Variants in FYTTD1 observed in about 807,000 individuals in gnomAD.
The protein encoded by FYTTD1 is UAP56-interacting factor.
Under a neutral mutation model 40.9 loss-of-function variants are expected in FYTTD1, and 22 were observed. The observed-to-expected ratio is 0.54, with a 90% CI of 0.38 to 0.77. The LOEUF is 0.77. FYTTD1 is among the 30% of genes least tolerant of loss of function. The pLI is 0.00. For synonymous variants in FYTTD1, 140 were observed against 137.9 expected (o/e 1.01, Z -0.10); for missense variants, 351 against 392.2 (o/e 0.90, Z 0.89).
upstream of FYTTD1, chr3:197,749,868 C>G (rs1329637656): frequency 4.4e-6 from 3 of 687,028 alleles, no homozygotes; most frequent in Non-Finnish European, 6.6e-6. Flanking sequence ...GGCGCCGGCG[C>G]GTGCGCGCTC....
In FYTTD1 at chr3:197,783,280, A is replaced by G. The variant is rs958621195; in HGVS notation, c.*1371A>G. Reference sequence around the variant, plus strand: ...AAGCTTGACATTTTAGTTTGCCATTATGTTAAAAACATCTAAATAGGTGTT... The same window carrying G: ...AAGCTTGACATTTTAGTTTGCCATTGTGTTAAAAACATCTAAATAGGTGTT... On this transcript the variant is annotated 3_prime_UTR_variant, in exon 9 of 9. Coordinates refer to ENST00000241502, the MANE Select transcript of FYTTD1 (RefSeq NM_032288.7). 1 of 152,612 alleles carries G rather than the reference A, an allele frequency of 6.6e-6. No individual in the cohort carries two copies. The highest frequency in any genetic ancestry group is 1.5e-5 in the Non-Finnish European group (1 of 68,038). 9.5% of individuals were successfully genotyped at this position (152,612 alleles called of 1,614,324 possible). A position where few individuals can be genotyped will look rare whatever the true frequency, so the allele number is the denominator to read the frequency against.
At chr3:197,777,549 A>G (rs1729910949) in intron 7 of FYTTD1, among the ~76,000 whole-genome samples, 1 of 151,936 alleles carries the variant, frequency 6.6e-6, no homozygotes, top group Non-Finnish European at 1.5e-5. Context: ...CAATATATAT[A>G]TTTTTGTGTA....
At chr3:197,778,250 C>T in intron 7 of FYTTD1, 88 bp from the exon 8 acceptor site, 1 of 994,868 alleles carries the variant, frequency 1.0e-6, no homozygotes, top group South Asian at 2.3e-5. Flanking sequence ...TACATTTGAA[C>T]ATGTGTACAA....
intron 2 of FYTTD1, among the ~76,000 whole-genome samples, chr3:197,757,299 A>G (rs1729240662): frequency 6.6e-6 from 1 of 152,376 alleles, no homozygotes; most frequent in South Asian, 2.1e-4. Flanking sequence ...TTTATCAGCA[A>G]TATCAGAATT....
chr3:197,749,837 C>T (rs1342360759), upstream of FYTTD1: 3 of 523,144 alleles, frequency 5.7e-6, no homozygotes, highest in Non-Finnish European at 6.3e-6. Flanking sequence ...CCGCCCGCAG[C>T]CGCGGGTGGA....
In FYTTD1 at chr3:197,778,206, T is replaced by G; in HGVS notation, c.732-132T>G. ...TTTAGTCTAGAGTAGCCAGTGAAACTTTTTTTTTGAGAACACAAATAAAAT... is the reference window on the plus strand; with the variant it reads ...TTTAGTCTAGAGTAGCCAGTGAAACGTTTTTTTTGAGAACACAAATAAAAT... On this transcript the variant is annotated intron_variant, in intron 7 of 8. Coordinates refer to ENST00000241502, the MANE Select transcript of FYTTD1 (RefSeq NM_032288.7). 5 of 544,966 alleles carry G rather than the reference T, an allele frequency of 9.2e-6. No individual in the cohort carries two copies. The South Asian group carries it at 2.5e-4, about 27-fold the overall frequency. 33.8% of individuals were successfully genotyped at this position (544,966 alleles called of 1,614,324 possible). A position where few individuals can be genotyped will look rare whatever the true frequency, so the allele number is the denominator to read the frequency against.
intron 1 of FYTTD1, chr3:197,755,762 A>C (rs148567326): frequency 6.5e-7 from 1 of 1,544,196 alleles, no homozygotes; most frequent in South Asian, 1.2e-5. Flanking sequence ...TGCTGGGATT[A>C]TAGGTGTGAG....
In FYTTD1 at chr3:197,781,878, A is replaced by G; in HGVS notation, c.926A>G (p.Lys309Arg). The G allele has an allele frequency of 1.2e-6, 2 of 1,608,852 alleles. No individual in the cohort carries two copies. Among genetic ancestry groups the G allele is most frequent in the South Asian group, 1.1e-5 (1 of 90,140 alleles). The change falls in exon 9 of 9, where the codon AAA (lysine) becomes AGA (arginine). Residue 309 changes from lysine (K) to arginine (R), a missense_variant. Transcript: ENST00000241502. ...CAAAGAGCCACTCTCACATACAACAAAGGGGGAAGCCGCTTTGTCACCGTG... is the reference window on the plus strand; with the variant it reads ...CAAAGAGCCACTCTCACATACAACAGAGGGGGAAGCCGCTTTGTCACCGTG... Reference protein sequence around the residue: ...KEQRATLTYNKGGSRFVTVG With the variant: ...KEQRATLTYNRGGSRFVTVG
At chr3:197,767,084 T>C (rs1434284666) in intron 2 of FYTTD1, among the ~76,000 whole-genome samples, 2 of 152,134 alleles carry the variant, frequency 1.3e-5, no homozygotes, top group African/African-American at 2.4e-5. Context: ...CCCTTTTTTT[T>C]TTTAACGGGC....
Position 197,756,462 on chromosome 3 carries a change from A to C in FYTTD1, c.140A>C (p.Lys47Thr). The change falls in exon 2 of 9, where the codon AAG (lysine) becomes ACG (threonine). Residue 47 changes from lysine to threonine, a missense_variant. Coordinates refer to ENST00000241502, the MANE Select transcript of FYTTD1 (RefSeq NM_032288.7). Reference protein sequence around the residue: ...IIKLNRKEGKKQNFPRLNRRL... With the variant: ...IIKLNRKEGKTQNFPRLNRRL... ...AAGTTGAATCGAAAGGAAGGGAAGAAGCAGAATTTTCCAAGACTAAATAGA... is the reference window on the plus strand; with the variant it reads ...AAGTTGAATCGAAAGGAAGGGAAGACGCAGAATTTTCCAAGACTAAATAGA... 1 of 1,608,950 alleles carries C rather than the reference A, an allele frequency of 6.2e-7. No individual in the cohort carries two copies. Among genetic ancestry groups the C allele is most frequent in the Non-Finnish European group, 8.5e-7 (1 of 1,175,294 alleles).
At chr3:197,766,408 G>A (rs1217727814) in intron 2 of FYTTD1, among the ~76,000 whole-genome samples, 1 of 125,750 alleles carries the variant, frequency 8.0e-6, no homozygotes, top group African/African-American at 2.7e-5. Context: ...TTGCAATATA[G>A]GTGTGTGTCG....
At position 197,750,028 on chromosome 3, in the gene FYTTD1, G is replaced by A. The variant is rs373199162; in HGVS notation, c.57G>A (p.Pro19=). The A allele has an allele frequency of 1.6e-5, 25 of 1,583,048 alleles. No individual in the cohort carries two copies. Among genetic ancestry groups the A allele is most frequent in the East Asian group, 1.2e-4 (5 of 40,748 alleles). Residue 19 remains proline (P), a synonymous_variant, in exon 1 of 9, where the codon CCG becomes CCA. Transcript: ENST00000241502. Reference sequence around the variant, plus strand: ...CCACGGCGACTTCTTCGCCGCCGCCGAAGGCCCGCAGCAATGAAAACCTCG... The same window carrying A: ...CCACGGCGACTTCTTCGCCGCCGCCAAAGGCCCGCAGCAATGAAAACCTCG... ...VGATATSSPP[P]KARSNENLDK...
In FYTTD1 at chr3:197,784,955, A is replaced by G. The variant is rs2109059457; in HGVS notation, c.*3046A>G. On this transcript the variant is annotated 3_prime_UTR_variant, in exon 9 of 9. Transcript: ENST00000241502. ...TGGCAGAGTTATTTTTTGAGCTCAG[A>G]TCTTCTAATTCTTAATTGATAATAA... is the stretch of plus-strand genomic sequence containing the variant. 1 of 152,260 alleles carries G rather than the reference A, an allele frequency of 6.6e-6. No individual in the cohort carries two copies. The highest frequency in any genetic ancestry group is 2.1e-4 in the South Asian group (1 of 4,828). 9.4% of individuals were successfully genotyped at this position (152,260 alleles called of 1,614,324 possible). A position where few individuals can be genotyped will look rare whatever the true frequency, so the allele number is the denominator to read the frequency against.
intron 6 of FYTTD1, among the ~76,000 whole-genome samples, chr3:197,776,086 G>C (rs1018998025): frequency 6.6e-5 from 10 of 151,982 alleles, no homozygotes; most frequent in Non-Finnish European, 1.5e-4. Flanking sequence ...AAGAAACAGA[G>C]ATTTAAGTAT....
rs187993968 is a variant in FYTTD1 at position 197,767,172 on chromosome 3, G to A, written c.236-1267G>A. Among the ~76,000 whole-genome samples the A allele has an allele frequency of 2.7e-3, 405 of 151,664 alleles. 1 individual carries two copies. The highest frequency in any genetic ancestry group is 9.3e-3 in the African/African-American group (384 of 41,340). On this transcript the variant is annotated intron_variant, in intron 2 of 8. Coordinates refer to ENST00000241502, the MANE Select transcript of FYTTD1 (RefSeq NM_032288.7). ...TTTACTTTTTTTGAGACGGAGTCTCGCTCTTCGCCCAGGCTGAAGTGCAGT... is the reference window on the plus strand; with the variant it reads ...TTTACTTTTTTTGAGACGGAGTCTCACTCTTCGCCCAGGCTGAAGTGCAGT...
intron 6 of FYTTD1, among the ~76,000 whole-genome samples, chr3:197,774,629 G>A (rs1311265290): frequency 7.3e-6 from 1 of 136,426 alleles, no homozygotes; most frequent in Non-Finnish European, 1.6e-5. Context: ...ATAGCTCGAT[G>A]ACCAGTGCAC....
In FYTTD1 at chr3:197,768,635, G is replaced by A. The variant is rs778770436; in HGVS notation, c.384+48G>A. ...GATTAGATATCCTTTTCCTTTATTTGTACTAACATTTCTGTGAATAAGCTT... is the reference window on the plus strand; with the variant it reads ...GATTAGATATCCTTTTCCTTTATTTATACTAACATTTCTGTGAATAAGCTT... On this transcript the variant is annotated intron_variant, in intron 3 of 8. Transcript: ENST00000241502. 2.0e-6 allele frequency: 3 copies of A among 1,494,568 alleles called. No homozygotes were observed. In the South Asian group the frequency reaches 3.9e-5, roughly 19 times the overall value. 92.6% of individuals were successfully genotyped at this position (1,494,568 alleles called of 1,614,324 possible). A position where few individuals can be genotyped will look rare whatever the true frequency, so the allele number is the denominator to read the frequency against.
At chr3:197,758,233 T>C (rs1729266084) in intron 2 of FYTTD1, among the ~76,000 whole-genome samples, 1 of 151,472 alleles carries the variant, frequency 6.6e-6, no homozygotes, top group Non-Finnish European at 1.5e-5. Context: ...TTCTTATAAA[T>C]GTTATTGAAC....
In FYTTD1 at chr3:197,781,867, CACAT is replaced by C; in HGVS notation, c.919_922del (p.Tyr307ThrfsTer21). The C allele has an allele frequency of 6.2e-7, 1 of 1,609,856 alleles. No individual in the cohort carries two copies. Among genetic ancestry groups the C allele is most frequent in the Non-Finnish European group, 8.5e-7 (1 of 1,177,292 alleles). ...TCCTGAAGGAACAAAGAGCCACTCT[CACAT>C]ACAACAAAGGGGGAAGCCGCTTTGT... is the stretch of plus-strand genomic sequence containing the variant. On this transcript the variant is annotated frameshift_variant, in exon 9 of 9. Coordinates refer to ENST00000241502, the MANE Select transcript of FYTTD1 (RefSeq NM_032288.7). LOFTEE classifies it high-confidence loss of function.
Sources: allele counts gnomAD v4.1 joint callset (sites outside exome capture counted in the v4.1 genomes callset), GRCh38; gene constraint gnomAD v4.1.1; transcripts MANE v1.5; gene names NCBI Gene and HGNC (gene_info 2026-07-23, HGNC 2026-07-21).